The following TTBK2 variants were observed in gnomAD, a reference collection of about 807,000 sequenced individuals.
The protein encoded by TTBK2 is tau tubulin kinase 2, also known as tau-tubulin kinase 2.
Under a neutral mutation model 110.8 loss-of-function variants are expected in TTBK2, and 28 were observed. That is an observed-to-expected ratio of 0.25 (90% CI 0.19 to 0.35). The LOEUF (loss-of-function observed/expected upper bound fraction) is 0.35. Among genes scored for constraint, TTBK2 ranks in the 10% least tolerant of loss-of-function variants. TTBK2 has a pLI of 1.00. For missense variants in TTBK2, 1,369 were observed against 1,500.3 expected (o/e 0.91, Z 1.45); for synonymous variants, 532 against 527.3 (o/e 1.01, Z -0.12).
chr15:42,880,139 T>C (rs1358870083), intron 1 of TTBK2, among the ~76,000 whole-genome samples: 1 of 152,154 alleles, frequency 6.6e-6, no homozygotes, highest in Non-Finnish European at 1.5e-5. Flanking sequence ...AAAAAAGTTC[T>C]AAACTCCAAA....
chr15:42,862,927 T>C (rs922125572), intron 3 of TTBK2, among the ~76,000 whole-genome samples: 4 of 151,810 alleles, frequency 2.6e-5, no homozygotes, highest in Non-Finnish European at 5.9e-5. Context: ...ATAAAAATAA[T>C]AGCCATCTAT....
chr15:42,862,203 G>A (rs528346925), intron 3 of TTBK2, among the ~76,000 whole-genome samples: 10 of 152,122 alleles, frequency 6.6e-5, no homozygotes, highest in Admixed American at 2.0e-4. Context: ...AAAAAAAAAT[G>A]AGGATGAGTG....
intron 6 of TTBK2, among the ~76,000 whole-genome samples, chr15:42,818,830 C>T (rs538274013): frequency 9.3e-4 from 134 of 143,800 alleles, no homozygotes; most frequent in African/African-American, 3.3e-3. Flanking sequence ...CTCTGTCAAC[C>T]AGGCTGGAGT....
rs182311456 is a variant in TTBK2, at chr15:42,839,541, C to G, written c.291+819G>C. Among the ~76,000 whole-genome samples the G allele has an allele frequency of 2.9e-4, 44 of 152,302 alleles. No individual in the cohort carries two copies. In the Middle Eastern group the frequency reaches 0.01, roughly 35 times the overall value. ...ATCTCTAGACTGCTTTCCACAGTAG[C>G]TGAACTAATTTATATTCCCACCAGC... On this transcript the variant is annotated intron_variant, in intron 4 of 14. Transcript: ENST00000267890.
intron 3 of TTBK2, among the ~76,000 whole-genome samples, chr15:42,868,088 A>C (rs984596977): frequency 6.6e-6 from 1 of 152,224 alleles, no homozygotes; most frequent in Non-Finnish European, 1.5e-5. Context: ...TTAAAGAGAA[A>C]GTAAAAAGAT....
intron 1 of TTBK2, among the ~76,000 whole-genome samples, chr15:42,910,478 C>T (rs2030687201): frequency 6.6e-6 from 1 of 152,200 alleles, no homozygotes; most frequent in Non-Finnish European, 1.5e-5. Flanking sequence ...AATGAAATAT[C>T]TTTCACCTCC....
intron 1 of TTBK2, among the ~76,000 whole-genome samples, chr15:42,912,895 G>A (rs2030858538): frequency 6.6e-6 from 1 of 151,744 alleles, no homozygotes; most frequent in South Asian, 2.1e-4. Context: ...GGAGGCCGAG[G>A]CAGGTGGATC....
chr15:42,798,728 T>G (rs1891051088), intron 9 of TTBK2, among the ~76,000 whole-genome samples: 1 of 152,208 alleles, frequency 6.6e-6, no homozygotes, highest in Non-Finnish European at 1.5e-5. Context: ...ATGCTTATAC[T>G]TGGCTGCCAG....
chr15:42,821,696 TG>T (rs1239126149), intron 6 of TTBK2, among the ~76,000 whole-genome samples: 6 of 127,848 alleles, frequency 4.7e-5, no homozygotes, highest in Admixed American at 7.9e-5. Flanking sequence ...GTTTTTTTTT[TG>T]TTTTTTTTTT....
At chr15:42,833,791 C>T (rs1033872675) in intron 4 of TTBK2, among the ~76,000 whole-genome samples, 10 of 151,990 alleles carry the variant, frequency 6.6e-5, no homozygotes, top group African/African-American at 2.4e-4. Context: ...AGGCGGATCA[C>T]GAGATCAAGA....
At chr15:42,817,282 A>T (rs974612092) in intron 6 of TTBK2, among the ~76,000 whole-genome samples, 185 bp from the exon 7 acceptor site, 1 of 141,562 alleles carries the variant, frequency 7.1e-6, no homozygotes, top group Non-Finnish European at 1.5e-5. Flanking sequence ...TCACATCTTT[A>T]AAAAAAAAAA....
intron 9 of TTBK2, among the ~76,000 whole-genome samples, chr15:42,795,717 C>T (rs1207697733): frequency 6.6e-6 from 1 of 151,822 alleles, no homozygotes; most frequent in African/African-American, 2.4e-5. Context: ...GTGGTACACG[C>T]CTGTAATCCC....
At chr15:42,851,049 C>A (rs1161702240) in intron 3 of TTBK2, among the ~76,000 whole-genome samples, 5 of 151,120 alleles carry the variant, frequency 3.3e-5, no homozygotes, top group African/African-American at 1.2e-4. Flanking sequence ...CACAGTGAGA[C>A]CCCGTCTCTA....
chr15:42,898,510 CAAAAAGAAAAAAAAAAAG>C (rs1484020879), intron 1 of TTBK2, among the ~76,000 whole-genome samples: 5 of 124,118 alleles, frequency 4.0e-5, no homozygotes, highest in African/African-American at 1.3e-4. Flanking sequence ...GACTCTGTCT[CAAAAAGAAAAAAAAAAAG>C]AAAAAGAAAA....
chr15:42,825,753 A>T (rs1262619437), intron 6 of TTBK2, among the ~76,000 whole-genome samples: 2 of 152,126 alleles, frequency 1.3e-5, no homozygotes, highest in African/African-American at 4.8e-5. Flanking sequence ...TCAGTTCCTC[A>T]TTTGCTCTGG....
Position 42,920,726 on chromosome 15 carries a change from C to A in TTBK2, c.-356G>T. 1 of 153,892 alleles carries A rather than the reference C, an allele frequency of 6.5e-6. No individual in the cohort carries two copies. The highest frequency in any genetic ancestry group is 2.0e-4 in the South Asian group (1 of 5,054). The allele number at this position is 153,892 out of a possible 1,614,324, so 9.5% of individuals were successfully genotyped here. A position where few individuals can be genotyped will look rare whatever the true frequency, so the allele number is the denominator to read the frequency against. ...TGCCAGCACCTGCTCCCCCTCCTGC[C>A]GCCGCCGCCGCCTCGTCCCCACCGC... On this transcript the variant is annotated 5_prime_UTR_variant, in exon 1 of 15. Transcript: ENST00000267890.
At chr15:42,794,531 G>C in intron 10 of TTBK2, 113 bp downstream of exon 10, 7 of 1,443,684 alleles carry the variant, frequency 4.8e-6, no homozygotes, top group Admixed American at 1.7e-5. Context: ...AGATCCACAG[G>C]CTTTCCCGGA....
At chr15:42,764,002 G>A (rs1800834094) in intron 13 of TTBK2, among the ~76,000 whole-genome samples, 1 of 152,104 alleles carries the variant, frequency 6.6e-6, no homozygotes, top group Non-Finnish European at 1.5e-5. Flanking sequence ...AAGAATAGAA[G>A]CCCAGAAAAG....
chr15:42,815,958 A>AAAAAAAAATATATATATAT (rs71108183), intron 7 of TTBK2, among the ~76,000 whole-genome samples: 1 of 91,716 alleles, frequency 1.1e-5, no homozygotes, highest in Non-Finnish European at 1.9e-5. Context: ...TTAAAAAAAA[A>AAAAAAAAATATATATATAT]ATATATATAT....
Sources: allele counts gnomAD v4.1 joint callset (sites outside exome capture counted in the v4.1 genomes callset), GRCh38; gene constraint gnomAD v4.1.1; transcripts MANE v1.5; gene names NCBI Gene and HGNC (gene_info 2026-07-23, HGNC 2026-07-21).